CDC14B: variants seen among roughly 807,000 people sequenced by gnomAD.
CDC14B encodes the protein dual specificity protein phosphatase CDC14B.
A neutral mutation model predicts 64.2 loss-of-function variants in CDC14B; 22 were observed. That is an observed-to-expected ratio of 0.34 (90% CI 0.24 to 0.49). The LOEUF (loss-of-function observed/expected upper bound fraction) is 0.49, where lower values mean the gene tolerates loss of function less well. Ranked by LOEUF, CDC14B falls within the 20% of genes least tolerant of loss-of-function variation. The probability of loss-of-function intolerance (pLI) is 0.99; values close to 1 mark genes in which losing one functional copy is unlikely to be tolerated. For missense variants in CDC14B, 498 were observed against 629.9 expected (o/e 0.79, Z 2.24); for synonymous variants, 191 against 215.8 (o/e 0.89, Z 1.01).
rs775205900 is a variant in CDC14B at position 96,534,150 on chromosome 9, G to C, written c.723C>G (p.His241Gln). 1.3e-6 allele frequency: 2 copies of C among 1,586,346 alleles called. No homozygotes were observed. Among genetic ancestry groups the C allele is most frequent in the East Asian group, 2.2e-5 (1 of 44,706 alleles). ...GAATATAAGTCTCAGGAGAATGTTGGTGGTAACCTACATAAAGAAATGCAC... is the reference window on the plus strand; with the variant it reads ...GAATATAAGTCTCAGGAGAATGTTGCTGGTAACCTACATAAAGAAATGCAC... ...HSRARLESGY[H>Q]QHSPETYIQY... Residue 241 changes from histidine (H) to glutamine (Q), a missense_variant, in exon 9 of 14, where the codon CAC becomes CAG. His to Gln is a conservative substitution (Grantham distance 24, BLOSUM62 0). Transcript: ENST00000375241.
downstream of CDC14B, among the ~76,000 whole-genome samples, chr9:96,495,492 T>C (rs540499110): frequency 2.3e-3 from 346 of 150,070 alleles, 1 homozygote; most frequent in African/African-American, 8.1e-3. Context: ...TGCACAACTG[T>C]ACTGGCGGCC....
At chr9:96,540,098 T>C (rs1839833802) in intron 6 of CDC14B, among the ~76,000 whole-genome samples, 1 of 152,230 alleles carries the variant, frequency 6.6e-6, no homozygotes, top group Admixed American at 6.5e-5. Context: ...TTTCCTTGAC[T>C]GCAATATATT....
rs967072304 is a variant in CDC14B, at chr9:96,584,472, G to T, written c.161-18989C>A. Among the ~76,000 whole-genome samples the T allele has an allele frequency of 2.0e-5, 3 of 152,176 alleles. No homozygotes were observed. In the South Asian group the frequency reaches 6.2e-4, roughly 32 times the overall value. On this transcript the variant is annotated intron_variant, in intron 1 of 13. Coordinates refer to ENST00000375241, the MANE Select transcript of CDC14B (RefSeq NM_033331.4). ...AGTCAGACTCCTGACCCAGAGAAGA[G>T]AAGGCACAGAGGAAGAAAGCATTCA... is the stretch of plus-strand genomic sequence containing the variant.
chr9:96,573,702 A>C (rs1033868914), intron 1 of CDC14B, among the ~76,000 whole-genome samples: 1 of 152,236 alleles, frequency 6.6e-6, no homozygotes, highest in East Asian at 1.9e-4. Flanking sequence ...GAAACCTGAC[A>C]TGCTAATACA....
At chr9:96,563,724 A>G (rs1442968007) in intron 3 of CDC14B, among the ~76,000 whole-genome samples, 1 of 152,050 alleles carries the variant, frequency 6.6e-6, no homozygotes, top group African/African-American at 2.4e-5. Flanking sequence ...CCAAAGACTA[A>G]AAGTCCACAG....
At chr9:96,542,213 C>T (rs1308117769) in intron 5 of CDC14B, among the ~76,000 whole-genome samples, 2 of 151,994 alleles carry the variant, frequency 1.3e-5, no homozygotes, top group Non-Finnish European at 2.9e-5. Flanking sequence ...ACCTATCTCT[C>T]CCCCAAAGGG....
intron 12 of CDC14B, among the ~76,000 whole-genome samples, chr9:96,521,908 G>A (rs1836787705): frequency 6.6e-6 from 1 of 152,132 alleles, no homozygotes; most frequent in Admixed American, 6.5e-5. Flanking sequence ...TAACAATCTT[G>A]GATGCTCCAT....
intron 5 of CDC14B, among the ~76,000 whole-genome samples, chr9:96,547,229 C>T (rs1465356825): frequency 6.6e-6 from 1 of 151,888 alleles, no homozygotes; most frequent in East Asian, 1.9e-4. Context: ...CTCTGGGAAG[C>T]CGAGGCTGGT....
intron 5 of CDC14B, among the ~76,000 whole-genome samples, chr9:96,543,392 C>T (rs571107141): frequency 2.4e-4 from 36 of 152,090 alleles, no homozygotes; most frequent in African/African-American, 8.4e-4. Flanking sequence ...TTTTGGCCTC[C>T]CGAAGTGTTG....
chr9:96,551,357 C>A (rs564928747), intron 5 of CDC14B, among the ~76,000 whole-genome samples: 16 of 151,942 alleles, frequency 1.1e-4, no homozygotes, highest in African/African-American at 3.1e-4. Context: ...CCTGGGCTCA[C>A]GCAATCATTC....
intron 5 of CDC14B, among the ~76,000 whole-genome samples, chr9:96,551,033 A>G (rs1254034202): frequency 6.6e-6 from 1 of 150,904 alleles, no homozygotes; most frequent in Non-Finnish European, 1.5e-5. Flanking sequence ...CTTCTCAGGA[A>G]CCACACTCCT....
chr9:96,547,380 C>T (rs371299335), intron 5 of CDC14B, among the ~76,000 whole-genome samples: 2 of 150,618 alleles, frequency 1.3e-5, no homozygotes, highest in Admixed American at 1.3e-4. Context: ...GCAGGAGAAT[C>T]GCTTGAACCC....
intron 5 of CDC14B, among the ~76,000 whole-genome samples, chr9:96,548,526 G>T (rs757321476): frequency 1.3e-5 from 2 of 151,922 alleles, no homozygotes; most frequent in Non-Finnish European, 2.9e-5. Context: ...AAACTCAGTG[G>T]TTAAAGAAGG....
chr9:96,587,219 GCT>G (rs1845499155), intron 1 of CDC14B, among the ~76,000 whole-genome samples: 1 of 152,042 alleles, frequency 6.6e-6, no homozygotes, highest in African/African-American at 2.4e-5. Context: ...ACTAGGCCAA[GCT>G]CTCTCACCAC....
chr9:96,564,198 A>G (rs7874834), intron 3 of CDC14B, among the ~76,000 whole-genome samples: 72 of 152,320 alleles, frequency 4.7e-4, no homozygotes, highest in Non-Finnish European at 7.3e-4. Flanking sequence ...AGTGTTTTAC[A>G]TACATGAATG....
intron 12 of CDC14B, among the ~76,000 whole-genome samples, chr9:96,511,090 A>T (rs113441235): frequency 1.8e-4 from 28 of 152,330 alleles, no homozygotes; most frequent in African/African-American, 6.5e-4. Flanking sequence ...AGCTCAAAGG[A>T]GTAAAAAGTT....
Position 96,566,756 on chromosome 9 carries a change from C to T in CDC14B, c.161-1273G>A, listed in dbSNP as rs778244044. 2.5e-5 allele frequency: 40 copies of T among 1,602,864 alleles called. No individual in the cohort carries two copies. The South Asian group carries it at 4.4e-4, about 18-fold the overall frequency. ...GGAGCCCCCAGGGGAAGCCCCCGCC[C>T]TCCCGGCTCACCTTTGATCACCTCG... On this transcript the variant is annotated intron_variant, in intron 1 of 13. Coordinates refer to ENST00000375241, the MANE Select transcript of CDC14B (RefSeq NM_033331.4).
chr9:96,601,373 T>C (rs1846441051), intron 1 of CDC14B, among the ~76,000 whole-genome samples: 1 of 152,030 alleles, frequency 6.6e-6, no homozygotes, highest in Non-Finnish European at 1.5e-5. Flanking sequence ...GGTGTGCGCC[T>C]GTAGTCCCAG....
At position 96,583,904 on chromosome 9, in the gene CDC14B, G is replaced by A. The variant is rs867152820; in HGVS notation, c.161-18421C>T. ...CAGCTAATTTTTTGTATTTTTAGTAGAGACGGGGTTTCAGCATGTTAGCCA... is the reference window on the plus strand; with the variant it reads ...CAGCTAATTTTTTGTATTTTTAGTAAAGACGGGGTTTCAGCATGTTAGCCA... On this transcript the variant is annotated intron_variant, in intron 1 of 13. Transcript: ENST00000375241. Among the ~76,000 whole-genome samples the A allele has an allele frequency of 2.6e-5, 4 of 151,946 alleles. No individual in the cohort carries two copies. The South Asian group carries it at 8.3e-4, about 31-fold the overall frequency.
Sources: allele counts gnomAD v4.1 joint callset (sites outside exome capture counted in the v4.1 genomes callset), GRCh38; gene constraint gnomAD v4.1.1; transcripts MANE v1.5; gene names NCBI Gene and HGNC (gene_info 2026-07-23, HGNC 2026-07-21).